PSD3: variants seen among roughly 807,000 people sequenced by gnomAD.
PSD3 encodes the protein pleckstrin and Sec7 domain containing 3.
Under a neutral mutation model 105.5 loss-of-function variants are expected in PSD3, and 49 were observed. The ratio of observed to expected loss-of-function variants is 0.46; its 90% CI spans 0.37 to 0.59. The LOEUF is 0.59. PSD3 is among the 20% of genes least tolerant of loss of function. PSD3 has a pLI of 0.00. For missense variants in PSD3, 1,561 were observed against 1,263.8 expected, an observed-to-expected ratio of 1.24 and a Z score of -3.57; for synonymous variants, 557 against 457.8, an observed-to-expected ratio of 1.22 and a Z score of -2.77.
intron 12 of PSD3, among the ~76,000 whole-genome samples, chr8:18,599,504 G>A (rs753259019): frequency 5.9e-5 from 9 of 152,130 alleles, no homozygotes; most frequent in Non-Finnish European, 1.0e-4. Context: ...ACTGAACGAT[G>A]AATAAAGAAT....
Position 18,874,425 on chromosome 8 carries a change from A to G in PSD3, c.131-1692T>C, listed in dbSNP as rs149219448. Among the ~76,000 whole-genome samples, 1,763 of 152,168 alleles carry G rather than the reference A, an allele frequency of 0.012. 83 individuals are homozygous for G. The East Asian group carries it at 0.14, about 12-fold the overall frequency. ...CGTGATCCACCTGCCTCGGCCTCCC[A>G]AAATGCTGGGATTACAGTCATGAGC... On this transcript the variant is annotated intron_variant, in intron 2 of 15. Coordinates refer to ENST00000327040, the MANE Select transcript of PSD3 (RefSeq NM_015310.4).
intron 11 of PSD3, among the ~76,000 whole-genome samples, chr8:18,608,737 A>G (rs897866699): frequency 6.6e-6 from 1 of 152,236 alleles, no homozygotes. Context: ...TAAAATATTC[A>G]TTAACGAGTA....
At chr8:18,815,546 A>C (rs1031701561) in intron 4 of PSD3, among the ~76,000 whole-genome samples, 4 of 152,096 alleles carry the variant, frequency 2.6e-5, no homozygotes, top group Non-Finnish European at 4.4e-5. Context: ...CCTGGCCTCA[A>C]GTGATCTCTC....
chr8:18,865,269 TATATATATATATA>T (rs1563360516), intron 4 of PSD3: 15 of 5,060 alleles, frequency 3.0e-3, no homozygotes, highest in African/African-American at 4.8e-3. Context: ...TATATATATA[TATATATATATATA>T]TATATTTTTT....
At chr8:18,546,077 T>C (rs1481662300) in intron 15 of PSD3, among the ~76,000 whole-genome samples, 1 of 152,214 alleles carries the variant, frequency 6.6e-6, no homozygotes, top group Non-Finnish European at 1.5e-5. Flanking sequence ...CTTGGCTCAC[T>C]GCAACCTCCA....
At chr8:18,980,443 GGTTGGTTGGTTC>G (rs1361851980) in intron 1 of PSD3, among the ~76,000 whole-genome samples, 12 of 152,112 alleles carry the variant, frequency 7.9e-5, no homozygotes, top group Non-Finnish European at 1.6e-4. Flanking sequence ...TAGTTGGGTT[GGTTGGTTGGTTC>G]GTTGGTTGGT....
At position 18,872,520 on chromosome 8, in the gene PSD3, C is replaced by A. The variant is rs118013117; in HGVS notation, c.344G>T (p.Arg115Ile). The A allele has an allele frequency of 0.034, 54,092 of 1,614,078 alleles. 1,055 individuals carry two copies. Among genetic ancestry groups the A allele is most frequent in the Non-Finnish European group, 0.041 (48,256 of 1,179,998 alleles). ...DSVTEGPKDVREAPSQSHLKE... is the reference protein window; with the variant it reads ...DSVTEGPKDVIEAPSQSHLKE... The stretch of plus-strand genomic sequence containing the variant: ...GAGATGACTTTGAGAGGGGGCCTCT[C>A]TGACATCTTTTGGTCCTTCTGTAAC... The change falls in exon 3 of 16, where the codon AGA (arginine) becomes ATA (isoleucine). Residue 115 changes from arginine to isoleucine, a missense_variant. Coordinates refer to ENST00000327040, the MANE Select transcript of PSD3 (RefSeq NM_015310.4).
chr8:18,924,664 G>C (rs1320899945), intron 2 of PSD3: 2 of 152,190 alleles, frequency 1.3e-5, no homozygotes, highest in African/African-American at 4.8e-5. Flanking sequence ...GGCATGAGTA[G>C]GGGCTGAGCT....
chr8:18,752,022 TA>T (rs35624374), intron 9 of PSD3, among the ~76,000 whole-genome samples: 4,955 of 104,024 alleles, frequency 0.048, 171 homozygotes, highest in African/African-American at 0.15. Flanking sequence ...TAAAAATACA[TA>T]AAAAAAAAAA....
At chr8:18,993,090 G>C (rs893744392) in intron 1 of PSD3, among the ~76,000 whole-genome samples, 1 of 152,096 alleles carries the variant, frequency 6.6e-6, no homozygotes, top group South Asian at 2.1e-4. Flanking sequence ...CATAGCCTCT[G>C]TCCCATTAAA....
At position 18,801,105 on chromosome 8, in the gene PSD3, T is replaced by G. The variant is rs1810640765; in HGVS notation, c.2023+165A>C. On this transcript the variant is annotated intron_variant, in intron 7 of 15. Transcript: ENST00000327040. ...GCTAAAAACAAAACTCTAATTCCAA[T>G]TTGACATTAAATATTAAATAGACTA... 3 of 447,144 alleles carry G rather than the reference T, an allele frequency of 6.7e-6. No homozygotes were observed. The East Asian group carries it at 1.1e-4, about 16-fold the overall frequency. 27.7% of individuals were successfully genotyped at this position (447,144 alleles called of 1,614,324 possible).
chr8:18,740,785 C>A (rs1301573560), intron 9 of PSD3, among the ~76,000 whole-genome samples: 1 of 152,184 alleles, frequency 6.6e-6, no homozygotes, highest in African/African-American at 2.4e-5. Flanking sequence ...CTCTGTCCCA[C>A]GACTTTGTCT....
At chr8:18,800,173 G>A (rs566763523) in intron 7 of PSD3, among the ~76,000 whole-genome samples, 1 of 152,204 alleles carries the variant, frequency 6.6e-6, no homozygotes, top group African/African-American at 2.4e-5. Flanking sequence ...ATTAAGTCAC[G>A]AATCCATATT....
Position 19,049,787 on chromosome 8 carries a change from G to A in PSD3, c.324+34419C>T, listed in dbSNP as rs567311970. Among the ~76,000 whole-genome samples the A allele has an allele frequency of 7.7e-4, 116 of 150,738 alleles. No individual in the cohort carries two copies. In the Middle Eastern group the frequency reaches 0.021, roughly 27 times the overall value. ...AAAACATAGGTTATTTTCTCTCCTC[G>A]GCCTCCTGAGCCTGCATTGATTAGT... is the stretch of plus-strand genomic sequence containing the variant. On this transcript the variant is annotated intron_variant, in intron 1 of 1. Transcript: ENST00000521475.
At chr8:18,611,600 T>A (rs987344480) in intron 11 of PSD3, among the ~76,000 whole-genome samples, 4 of 152,242 alleles carry the variant, frequency 2.6e-5, no homozygotes, top group South Asian at 2.1e-4. Context: ...ATTTTTTTTT[T>A]AATTAAAGAT....
At chr8:18,676,182 G>A (rs1800054424) in intron 9 of PSD3, among the ~76,000 whole-genome samples, 2 of 152,160 alleles carry the variant, frequency 1.3e-5, no homozygotes, top group South Asian at 4.1e-4. Context: ...AGCTTGCCAG[G>A]AATGACAGCA....
chr8:18,618,274 T>C (rs1805844676), intron 11 of PSD3, among the ~76,000 whole-genome samples: 1 of 143,882 alleles, frequency 7.0e-6, no homozygotes, highest in South Asian at 2.4e-4. Context: ...ATGCCTTATA[T>C]GTGTTGATTT....
intron 1 of PSD3, among the ~76,000 whole-genome samples, chr8:18,973,322 C>T (rs1480700409): frequency 1.3e-5 from 2 of 152,212 alleles, no homozygotes; most frequent in Non-Finnish European, 2.9e-5. Flanking sequence ...AGACAGAAGA[C>T]TGAGTGGCTT....
At chr8:18,581,782 G>A (rs779421102) in intron 12 of PSD3, among the ~76,000 whole-genome samples, 3 of 152,182 alleles carry the variant, frequency 2.0e-5, no homozygotes, top group South Asian at 2.1e-4. Context: ...GGGACCAGAC[G>A]CTATGTTTAT....
Sources: allele counts gnomAD v4.1 joint callset (sites outside exome capture counted in the v4.1 genomes callset), GRCh38; gene constraint gnomAD v4.1.1; transcripts MANE v1.5; gene names NCBI Gene and HGNC (gene_info 2026-07-23, HGNC 2026-07-21).